ELAPOR2: variants seen among roughly 807,000 people sequenced by gnomAD.
ELAPOR2 encodes endosome-lysosome associated apoptosis and autophagy regulator family member 2.
A neutral mutation model predicts 120.7 loss-of-function variants in ELAPOR2; 89 were observed. The observed-to-expected ratio is 0.74, with a 90% CI of 0.62 to 0.88. The LOEUF (loss-of-function observed/expected upper bound fraction) is 0.88. ELAPOR2 is among the 40% of genes least tolerant of loss of function. The pLI, the probability that ELAPOR2 is intolerant of heterozygous loss-of-function variation, is 0.00. For synonymous variants in ELAPOR2, 444 were observed against 444.9 expected (o/e 1.00, Z 0.03); for missense variants, 1,134 against 1,251.6 (o/e 0.91, Z 1.42).
At chr7:86,965,333 A>G (rs1791866755) in intron 1 of ELAPOR2, among the ~76,000 whole-genome samples, 1 of 152,204 alleles carries the variant, frequency 6.6e-6, no homozygotes, top group African/African-American at 2.4e-5. Flanking sequence ...TTTAAGCTCT[A>G]AATAACTGAT....
At chr7:86,907,558 T>A in intron 18 of ELAPOR2, 112 bp downstream of exon 18, 1 of 699,284 alleles carries the variant, frequency 1.4e-6, no homozygotes, top group Non-Finnish European at 2.3e-6. Context: ...CCCTACAGAT[T>A]GTTCTGTTTT....
chr7:86,905,202 GAGAA>G (rs1461374795), intron 18 of ELAPOR2, among the ~76,000 whole-genome samples: 147 of 149,586 alleles, frequency 9.8e-4, no homozygotes, highest in Middle Eastern at 3.5e-3. Context: ...GAGAGAGAGA[GAGAA>G]AGAGAGAGAG....
At chr7:86,974,622 G>GTGTT (rs1297163753) in intron 1 of ELAPOR2, among the ~76,000 whole-genome samples, 1 of 46,472 alleles carries the variant, frequency 2.2e-5, no homozygotes, top group East Asian at 4.8e-4. Context: ...TGTGTGTGTT[G>GTGTT]GATACATGAA....
intron 12 of ELAPOR2, among the ~76,000 whole-genome samples, chr7:86,915,178 T>A (rs1030307538): frequency 1.7e-4 from 26 of 152,238 alleles, no homozygotes; most frequent in African/African-American, 6.0e-4. Context: ...TGGCTTGGGA[T>A]ATATACTTAG....
chr7:86,997,537 A>C (rs1793165515), intron 1 of ELAPOR2, among the ~76,000 whole-genome samples: 1 of 152,212 alleles, frequency 6.6e-6, no homozygotes. Flanking sequence ...TACTTTAAAA[A>C]AATTTAGGCA....
intron 1 of ELAPOR2, among the ~76,000 whole-genome samples, chr7:87,039,580 T>G (rs1046096236): frequency 6.6e-6 from 1 of 152,222 alleles, no homozygotes. Context: ...GATTTATCCC[T>G]GGGATGCAAG....
rs1449115226 is a variant in ELAPOR2 at position 86,918,510 on chromosome 7, C to G, written c.1525G>C (p.Glu509Gln). 1.2e-6 allele frequency: 2 copies of G among 1,613,042 alleles called. No individual in the cohort carries two copies. The highest frequency in any genetic ancestry group is 3.3e-5 in the Admixed American group (2 of 59,972). ...AAGACAAATGTTATTCTTCCTAGTT[C>G]AGAACCCGTGGCTCCAGTCATAGAT... is the stretch of plus-strand genomic sequence containing the variant. ...PTSMTGATGS[E>Q]LGRITFVFET... is the part of the protein sequence containing the mutation. Residue 509 changes from glutamate to glutamine, a missense_variant, in exon 12 of 22, where the codon GAA (glutamate) becomes CAA (glutamine). Transcript: ENST00000450689.
intron 1 of ELAPOR2, among the ~76,000 whole-genome samples, chr7:86,976,135 A>G (rs1441029243): frequency 6.6e-6 from 1 of 152,108 alleles, no homozygotes; most frequent in Non-Finnish European, 1.5e-5. Flanking sequence ...GCAAACACCT[A>G]ATATGCCAAG....
At chr7:86,987,303 A>G (rs1481572830) in intron 1 of ELAPOR2, among the ~76,000 whole-genome samples, 2 of 152,210 alleles carry the variant, frequency 1.3e-5, no homozygotes, top group East Asian at 3.8e-4. Flanking sequence ...CTTCATGATG[A>G]AAACACCAAA....
chr7:86,894,925 G>A (rs999220948), intron 19 of ELAPOR2, among the ~76,000 whole-genome samples: 4 of 151,978 alleles, frequency 2.6e-5, no homozygotes, highest in African/African-American at 4.8e-5. Context: ...AATTTGATAA[G>A]AGCACTTCTA....
At chr7:86,935,939 T>G (rs1790543731) in intron 8 of ELAPOR2, among the ~76,000 whole-genome samples, 1 of 152,056 alleles carries the variant, frequency 6.6e-6, no homozygotes, top group South Asian at 2.1e-4. Context: ...GAAAGAAATC[T>G]AAGCAATCTA....
intron 1 of ELAPOR2, among the ~76,000 whole-genome samples, chr7:86,990,203 C>T (rs946191731): frequency 5.3e-5 from 8 of 152,066 alleles, no homozygotes; most frequent in African/African-American, 7.2e-5. Context: ...CCTGCCACCA[C>T]GCCCAGCTAA....
intron 1 of ELAPOR2, among the ~76,000 whole-genome samples, chr7:87,039,717 T>C (rs1794700364): frequency 6.6e-6 from 1 of 151,660 alleles, no homozygotes. Flanking sequence ...CCCTTTATGA[T>C]AAAAAAAAAT....
At chr7:86,982,576 GA>G (rs1232949898) in intron 1 of ELAPOR2, among the ~76,000 whole-genome samples, 1 of 152,184 alleles carries the variant, frequency 6.6e-6, no homozygotes, top group East Asian at 1.9e-4. Context: ...AACTCCAACA[GA>G]CCTGCAGCTG....
intron 1 of ELAPOR2, among the ~76,000 whole-genome samples, chr7:87,020,192 C>T (rs2116695775): frequency 6.6e-6 from 1 of 152,112 alleles, no homozygotes; most frequent in South Asian, 2.1e-4. Flanking sequence ...TATATGTGTG[C>T]ATATTTTAAA....
intron 8 of ELAPOR2, among the ~76,000 whole-genome samples, chr7:86,931,222 T>C (rs534281125): frequency 4.8e-4 from 73 of 151,882 alleles, no homozygotes; most frequent in Middle Eastern, 3.4e-3. Context: ...AATGTTTGAA[T>C]ATGTATACAC....
chr7:86,992,899 A>T (rs894684421), intron 1 of ELAPOR2, among the ~76,000 whole-genome samples: 4 of 152,304 alleles, frequency 2.6e-5, no homozygotes, highest in Non-Finnish European at 5.9e-5. Context: ...CTATCATCTT[A>T]AAAAATGCAA....
At chr7:86,943,095 C>G (rs1790868329) in intron 4 of ELAPOR2, among the ~76,000 whole-genome samples, 2 of 151,942 alleles carry the variant, frequency 1.3e-5, no homozygotes, top group African/African-American at 4.8e-5. Context: ...GCATAAGGAC[C>G]ATTTTAATGC....
intron 1 of ELAPOR2, among the ~76,000 whole-genome samples, chr7:87,058,448 TTTCA>T (rs1361150201): frequency 6.6e-6 from 1 of 152,110 alleles, no homozygotes; most frequent in African/African-American, 2.4e-5. Flanking sequence ...CCTCATTGAT[TTTCA>T]TTAAGAGGAT....
Sources: allele counts gnomAD v4.1 joint callset (sites outside exome capture counted in the v4.1 genomes callset), GRCh38; gene constraint gnomAD v4.1.1; transcripts MANE v1.5; gene names NCBI Gene and HGNC (gene_info 2026-07-23, HGNC 2026-07-21).